LHPP: variants seen among roughly 807,000 people sequenced by gnomAD.
LHPP encodes the protein phospholysine phosphohistidine inorganic pyrophosphate phosphatase, also known as hLHPP.
Under a neutral mutation model 30.3 loss-of-function variants are expected in LHPP, and 24 were observed. The observed-to-expected ratio is 0.79, with a 90% CI of 0.57 to 1.11. The LOEUF is 1.11. Among genes scored for constraint, LHPP ranks in the 50% most tolerant of loss-of-function variants. The pLI is 0.00. For missense variants in LHPP, 356 were observed against 367.2 expected (o/e 0.97, Z 0.25); for synonymous variants, 150 against 157.1 (o/e 0.95, Z 0.34).
chr10:124,584,221 T>C (rs559226273), intron 6 of LHPP, among the ~76,000 whole-genome samples: 1 of 148,136 alleles, frequency 6.8e-6, no homozygotes, highest in African/African-American at 2.5e-5. Context: ...AAAAAAAAAT[T>C]AGGCATGGTG....
intron 5 of LHPP, among the ~76,000 whole-genome samples, chr10:124,500,743 A>G (rs1195333412): frequency 6.6e-6 from 1 of 151,920 alleles, no homozygotes. Flanking sequence ...AAAAAAATAG[A>G]AAATAACAAG....
intron 6 of LHPP, among the ~76,000 whole-genome samples, chr10:124,578,718 G>A (rs189475513): frequency 6.8e-4 from 103 of 152,336 alleles, no homozygotes; most frequent in Middle Eastern, 3.4e-3. Context: ...CGCGCCACGC[G>A]TCAGAAGCTA....
intron 6 of LHPP, among the ~76,000 whole-genome samples, chr10:124,543,218 C>T (rs1037265498): frequency 6.6e-6 from 1 of 152,254 alleles, no homozygotes; most frequent in African/African-American, 2.4e-5. Flanking sequence ...TCCCTGGCTG[C>T]TCCTTCCTGT....
intron 6 of LHPP, chr10:124,605,154 G>C (rs1486633664): frequency 1.3e-5 from 2 of 152,344 alleles, no homozygotes; most frequent in African/African-American, 4.8e-5. Flanking sequence ...CAGGCCCCAG[G>C]CACAGAACCG....
chr10:124,610,848 T>C (rs370836797), intron 6 of LHPP, among the ~76,000 whole-genome samples: 1,252 of 2,864 alleles, frequency 0.44, 368 homozygotes, highest in East Asian at 0.57. Context: ...GGTGAGGGTG[T>C]TGACGGAGCG....
chr10:124,603,336 C>T (rs1949051202), intron 6 of LHPP, among the ~76,000 whole-genome samples: 1 of 152,188 alleles, frequency 6.6e-6, no homozygotes, highest in South Asian at 2.1e-4. Context: ...CTCCCCACCC[C>T]TCCTTGTTAC....
Position 124,474,504 on chromosome 10 carries a change from A to G in LHPP, c.126-9635A>G, listed in dbSNP as rs182537293. Among the ~76,000 whole-genome samples the G allele has an allele frequency of 3.8e-4, 58 of 152,258 alleles. 1 individual carries two copies. The highest frequency in any genetic ancestry group is 3.5e-3 in the South Asian group (17 of 4,818). On this transcript the variant is annotated intron_variant, in intron 1 of 6. Coordinates refer to ENST00000368842, the MANE Select transcript of LHPP (RefSeq NM_022126.4). ...AAACCAAAGCACACAGTTCTGCTCAAGGAGCTGTATTTTCCACATCTGTTT... is the reference window on the plus strand; with the variant it reads ...AAACCAAAGCACACAGTTCTGCTCAGGGAGCTGTATTTTCCACATCTGTTT...
At chr10:124,550,721 C>T (rs1285141766) in intron 6 of LHPP, among the ~76,000 whole-genome samples, 1 of 152,200 alleles carries the variant, frequency 6.6e-6, no homozygotes, top group Non-Finnish European at 1.5e-5. Flanking sequence ...CTTCCCCTCT[C>T]CAGGCGGCGA....
chr10:124,572,055 G>A (rs2133981598), intron 6 of LHPP, among the ~76,000 whole-genome samples: 1 of 152,340 alleles, frequency 6.6e-6, no homozygotes, highest in Admixed American at 6.5e-5. Context: ...AAGACACTCA[G>A]GTGGCTGGAG....
At chr10:124,528,400 C>T (rs1295298231) in intron 6 of LHPP, among the ~76,000 whole-genome samples, 1 of 151,688 alleles carries the variant, frequency 6.6e-6, no homozygotes, top group Non-Finnish European at 1.5e-5. Flanking sequence ...GCTCTGTTGC[C>T]CAGGCTGGAG....
intron 6 of LHPP, among the ~76,000 whole-genome samples, chr10:124,529,700 A>T (rs1329301461): frequency 2.0e-5 from 3 of 151,782 alleles, no homozygotes; most frequent in African/African-American, 7.3e-5. Flanking sequence ...CACGCCCTGC[A>T]CTCTGTCCCA....
intron 6 of LHPP, among the ~76,000 whole-genome samples, chr10:124,534,060 TG>T (rs1954961344): frequency 8.8e-6 from 1 of 113,650 alleles, no homozygotes; most frequent in South Asian, 3.0e-4. Flanking sequence ...GGGCCTGGGG[TG>T]GGGAGCTTGG....
intron 6 of LHPP, among the ~76,000 whole-genome samples, chr10:124,570,928 G>A (rs761236291): frequency 4.6e-5 from 7 of 152,166 alleles, no homozygotes; most frequent in African/African-American, 9.7e-5. Flanking sequence ...CCCAAATCTC[G>A]TCTCGAATTC....
chr10:124,600,986 C>T (rs1325570162), intron 6 of LHPP, among the ~76,000 whole-genome samples: 1 of 152,206 alleles, frequency 6.6e-6, no homozygotes, highest in Non-Finnish European at 1.5e-5. Flanking sequence ...GGGGTCCACA[C>T]AGTTACCGTG....
At chr10:124,516,920 A>G (rs564861083) in intron 5 of LHPP, among the ~76,000 whole-genome samples, 1 of 152,250 alleles carries the variant, frequency 6.6e-6, no homozygotes, top group East Asian at 1.9e-4. Context: ...TGGGGCGCCA[A>G]ATCACTTTGA....
intron 6 of LHPP, among the ~76,000 whole-genome samples, chr10:124,536,383 A>ACTCCTG (rs1955028654): frequency 6.6e-6 from 1 of 151,344 alleles, no homozygotes; most frequent in East Asian, 1.9e-4. Flanking sequence ...TCCCAAATAG[A>ACTCCTG]CTCCTGCTCC....
chr10:124,529,930 C>T (rs1039239753), intron 6 of LHPP, among the ~76,000 whole-genome samples: 6 of 152,200 alleles, frequency 3.9e-5, no homozygotes, highest in South Asian at 2.1e-4. Flanking sequence ...CCTGCAGATG[C>T]GGTGTGAGGG....
At chr10:124,610,937 G>GTGAGGGTGCGA in intron 6 of LHPP, among the ~76,000 whole-genome samples, 1 of 114,986 alleles carries the variant, frequency 8.7e-6, no homozygotes, top group African/African-American at 3.9e-5. Flanking sequence ...CGAGGGTGAG[G>GTGAGGGTGCGA]GTGAGGGTGC....
intron 5 of LHPP, among the ~76,000 whole-genome samples, chr10:124,499,553 A>G (rs61870203): frequency 0.22 from 33,134 of 151,842 alleles, 3,885 homozygotes; most frequent in Middle Eastern, 0.37. Context: ...CTACTTGGGA[A>G]GCTGAGGGAT....
Sources: allele counts gnomAD v4.1 joint callset (sites outside exome capture counted in the v4.1 genomes callset), GRCh38; gene constraint gnomAD v4.1.1; transcripts MANE v1.5; gene names NCBI Gene and HGNC (gene_info 2026-07-23, HGNC 2026-07-21).